ITGA9: variants seen among roughly 807,000 people sequenced by gnomAD.
ITGA9 encodes integrin subunit alpha 9, also known as integrin alpha-9.
Under a neutral mutation model 127.8 loss-of-function variants are expected in ITGA9, and 56 were observed. That is an observed-to-expected ratio of 0.44 (90% CI 0.35 to 0.55). The LOEUF is 0.55. ITGA9 is among the 20% of genes least tolerant of loss of function. ITGA9 has a pLI of 0.00. For missense variants in ITGA9, 1,196 were observed against 1,347.1 expected, an observed-to-expected ratio of 0.89 and a Z score of 1.76; for synonymous variants, 508 against 514.5, an observed-to-expected ratio of 0.99 and a Z score of 0.17.
chr3:37,639,828 A>C (rs1271855758), intron 16 of ITGA9, among the ~76,000 whole-genome samples: 1 of 152,028 alleles, frequency 6.6e-6, no homozygotes, highest in Non-Finnish European at 1.5e-5. Context: ...AACAGAGGGT[A>C]TGGAACTAAA....
At chr3:37,525,837 T>C (rs1313027005) in intron 12 of ITGA9, among the ~76,000 whole-genome samples, 189 bp from the exon 13 acceptor site, 1 of 152,194 alleles carries the variant, frequency 6.6e-6, no homozygotes, top group Non-Finnish European at 1.5e-5. Context: ...GTAGCCTGCG[T>C]AGGGATTGGC....
At chr3:37,647,853 G>GTATA (rs145003216) in intron 16 of ITGA9, among the ~76,000 whole-genome samples, 70 of 151,624 alleles carry the variant, frequency 4.6e-4, no homozygotes, top group African/African-American at 9.2e-4. Context: ...TTATATATGT[G>GTATA]TATATATATA....
At chr3:37,507,464 A>G (rs930566339) in intron 7 of ITGA9, among the ~76,000 whole-genome samples, 2 of 152,150 alleles carry the variant, frequency 1.3e-5, no homozygotes, top group Non-Finnish European at 2.9e-5. Context: ...GATGATTGTG[A>G]TGAACTTCAT....
At position 37,629,460 on chromosome 3, in the gene ITGA9, C is replaced by T. The variant is rs1321670338; in HGVS notation, c.1839+124C>T. 2 of 976,220 alleles carry T rather than the reference C, an allele frequency of 2.0e-6. No homozygotes were observed. Among genetic ancestry groups the T allele is most frequent in the Admixed American group, 2.0e-5 (1 of 50,202 alleles). 60.5% of individuals were successfully genotyped at this position (976,220 alleles called of 1,614,324 possible). On this transcript the variant is annotated intron_variant, in intron 16 of 27. Coordinates refer to ENST00000264741, the MANE Select transcript of ITGA9 (RefSeq NM_002207.3). This position sits in a 1 kb window ranked among gnomAD's most constrained non-coding sequence, Gnocchi z 4.5. ...AGGAGACCGCAGCCAGGACACACCTCCTCTCTGGGTCTCCCTTTTCTGATC... is the reference window on the plus strand; with the variant it reads ...AGGAGACCGCAGCCAGGACACACCTTCTCTCTGGGTCTCCCTTTTCTGATC...
At chr3:37,673,220 T>C (rs1043866883) in intron 17 of ITGA9, among the ~76,000 whole-genome samples, 1 of 152,234 alleles carries the variant, frequency 6.6e-6, no homozygotes, top group Non-Finnish European at 1.5e-5. Flanking sequence ...CACTTTAGGC[T>C]TTCCTTGTCC....
At chr3:37,801,456 C>T (rs146688571) in intron 26 of ITGA9, among the ~76,000 whole-genome samples, 3 of 152,182 alleles carry the variant, frequency 2.0e-5, no homozygotes, top group East Asian at 1.9e-4. Flanking sequence ...TATGTATATT[C>T]GACTTCAATA....
intron 18 of ITGA9, among the ~76,000 whole-genome samples, chr3:37,689,594 G>A (rs1559568485): frequency 6.6e-6 from 1 of 152,102 alleles, no homozygotes; most frequent in Non-Finnish European, 1.5e-5. Context: ...GGGGCCGGGG[G>A]GTGCTGCATG....
At chr3:37,784,585 T>A (rs1306879363) in intron 25 of ITGA9, among the ~76,000 whole-genome samples, 1 of 152,236 alleles carries the variant, frequency 6.6e-6, no homozygotes, top group East Asian at 1.9e-4. Flanking sequence ...CTATAAAATG[T>A]AGATCAGATG....
chr3:37,476,555 G>A (rs540427603), intron 3 of ITGA9, among the ~76,000 whole-genome samples: 31 of 152,066 alleles, frequency 2.0e-4, no homozygotes, highest in Non-Finnish European at 2.8e-4. Context: ...TTTTATTGTT[G>A]TTGAGTTATC....
chr3:37,794,457 C>A (rs1697148755), intron 26 of ITGA9, among the ~76,000 whole-genome samples: 1 of 152,228 alleles, frequency 6.6e-6, no homozygotes, highest in Non-Finnish European at 1.5e-5. Context: ...AGGAGCACAT[C>A]ATGCTCAGAC....
intron 26 of ITGA9, among the ~76,000 whole-genome samples, chr3:37,794,082 A>G (rs1697144535): frequency 6.6e-6 from 1 of 152,160 alleles, no homozygotes; most frequent in South Asian, 2.1e-4. Flanking sequence ...GAATGACCTC[A>G]TTGTGTGAGG....
intron 11 of ITGA9, 70 bp downstream of exon 11, chr3:37,519,424 T>C: frequency 8.3e-7 from 1 of 1,208,618 alleles, no homozygotes; most frequent in African/African-American, 1.5e-5. Context: ...GAACCTTCAT[T>C]ATGCACCATG....
intron 1 of ITGA9, among the ~76,000 whole-genome samples, chr3:37,453,333 G>A (rs1277245101): frequency 6.6e-6 from 1 of 152,166 alleles, no homozygotes; most frequent in Non-Finnish European, 1.5e-5. Context: ...TTTCTATAGT[G>A]GCCAAGGGGT....
chr3:37,476,069 C>T (rs1019667490), intron 3 of ITGA9, among the ~76,000 whole-genome samples: 2 of 152,174 alleles, frequency 1.3e-5, no homozygotes, highest in Non-Finnish European at 2.9e-5. Flanking sequence ...TGTATGAATT[C>T]ACCATGTTTT....
At chr3:37,565,293 A>G (rs903174094) in intron 15 of ITGA9, among the ~76,000 whole-genome samples, 1 of 152,186 alleles carries the variant, frequency 6.6e-6, no homozygotes, top group African/African-American at 2.4e-5. Flanking sequence ...CTTCTGATTA[A>G]AAGCTAGGTT....
At chr3:37,530,932 TA>T (rs1699145004) in intron 13 of ITGA9, among the ~76,000 whole-genome samples, 1 of 151,698 alleles carries the variant, frequency 6.6e-6, no homozygotes, top group Non-Finnish European at 1.5e-5. Context: ...TTTGTATTTT[TA>T]GTAGAGACAG....
At position 37,477,913 on chromosome 3, in the gene ITGA9, AT is replaced by A. The variant is rs201494641; in HGVS notation, c.421-3560del. The stretch of plus-strand genomic sequence containing the variant: ...TCTGTTCAGTGCTTCCCATCTGTCC[AT>A]TTTTTTTTTTCAAAGCCACAGGGTA... On this transcript the variant is annotated intron_variant, in intron 3 of 27. Coordinates refer to ENST00000264741, the MANE Select transcript of ITGA9 (RefSeq NM_002207.3). Among the ~76,000 whole-genome samples the A allele has an allele frequency of 3.6e-3, 467 of 130,064 alleles. 3 individuals are homozygous for A. Among genetic ancestry groups the A allele is most frequent in the African/African-American group, 9.7e-3 (333 of 34,396 alleles). The allele number at this position is 130,064 out of a possible 152,430, so 85.3% of individuals were successfully genotyped here. A position where few individuals can be genotyped will look rare whatever the true frequency, so the allele number is the denominator to read the frequency against.
intron 1 of ITGA9, among the ~76,000 whole-genome samples, chr3:37,470,755 C>T (rs894488305): frequency 6.6e-6 from 1 of 152,288 alleles, no homozygotes; most frequent in East Asian, 1.9e-4. Flanking sequence ...CCACCCGCCT[C>T]GGCCTCTCAA....
At chr3:37,482,320 C>T (rs535866011) in intron 4 of ITGA9, among the ~76,000 whole-genome samples, 1 of 152,338 alleles carries the variant, frequency 6.6e-6, no homozygotes, top group East Asian at 1.9e-4. Context: ...TGTATCCTCT[C>T]AGACTTAGAA....
Sources: allele counts gnomAD v4.1 joint callset (sites outside exome capture counted in the v4.1 genomes callset), GRCh38; gene constraint gnomAD v4.1.1; non-coding constraint Gnocchi (gnomAD v3.1); transcripts MANE v1.5; gene names NCBI Gene and HGNC (gene_info 2026-07-23, HGNC 2026-07-21).